Variants in PSD3 observed in about 807,000 individuals in gnomAD.
PSD3 encodes pleckstrin and Sec7 domain containing 3, also known as PH and SEC7 domain-containing protein 3.
PSD3 carries 49 observed loss-of-function variants against 105.5 expected under a neutral mutation model. The observed-to-expected ratio is 0.46, with a 90% confidence interval of 0.37 to 0.59. The LOEUF is 0.59. Among genes scored for constraint, PSD3 ranks in the 20% least tolerant of loss-of-function variants. PSD3 has a pLI of 0.00. For missense variants in PSD3, 1,561 were observed against 1,263.8 expected (o/e 1.24, Z -3.57); for synonymous variants, 557 against 457.8 (o/e 1.22, Z -2.77).
intron 14 of PSD3, among the ~76,000 whole-genome samples, chr8:18,563,506 G>A (rs1361716062): frequency 6.6e-6 from 1 of 151,946 alleles, no homozygotes; most frequent in Non-Finnish European, 1.5e-5. Context: ...AAACGAAGTG[G>A]TACAGAATTT....
At chr8:18,617,070 C>G (rs556961948) in intron 11 of PSD3, among the ~76,000 whole-genome samples, 2 of 152,222 alleles carry the variant, frequency 1.3e-5, no homozygotes, top group Admixed American at 1.3e-4. Context: ...AATTTGTACA[C>G]CTTTTCTCTC....
At chr8:18,971,648 A>C (rs972453874) in intron 1 of PSD3, among the ~76,000 whole-genome samples, 8 of 152,146 alleles carry the variant, frequency 5.3e-5, no homozygotes, top group Non-Finnish European at 8.8e-5. Flanking sequence ...GGCACATAAA[A>C]AGATAATTCT....
chr8:19,014,951 G>A (rs937670121), upstream of PSD3, among the ~76,000 whole-genome samples: 35 of 152,194 alleles, frequency 2.3e-4, no homozygotes, highest in Admixed American at 2.1e-3. This position sits in a 1 kb window ranked among gnomAD's most constrained non-coding sequence, Gnocchi z 4.9. Context: ...AAAAACGTCC[G>A]CAGCTCATGC....
At chr8:18,912,675 G>A (rs1820309321) in intron 2 of PSD3, among the ~76,000 whole-genome samples, 1 of 152,122 alleles carries the variant, frequency 6.6e-6, no homozygotes, top group South Asian at 2.1e-4. Context: ...CCTGACCAGG[G>A]CTGCTTCAGT....
At chr8:18,702,554 T>A (rs1006125520) in intron 9 of PSD3, among the ~76,000 whole-genome samples, 10 of 152,170 alleles carry the variant, frequency 6.6e-5, no homozygotes, top group African/African-American at 2.4e-4. Context: ...TAAACATTTA[T>A]CTTTGGTTTG....
At chr8:18,540,931 T>C (rs1026890691) in intron 15 of PSD3, among the ~76,000 whole-genome samples, 2 of 152,050 alleles carry the variant, frequency 1.3e-5, no homozygotes, top group African/African-American at 4.8e-5. Context: ...CACACTCCTA[T>C]TCGAGGACCT....
At chr8:18,893,998 A>G (rs377564842) in intron 2 of PSD3, among the ~76,000 whole-genome samples, 3 of 152,188 alleles carry the variant, frequency 2.0e-5, no homozygotes, top group African/African-American at 7.2e-5. Context: ...CTATCATCCA[A>G]TCAACACACC....
At chr8:18,643,184 G>T (rs75200128) in intron 10 of PSD3, among the ~76,000 whole-genome samples, 2,325 of 152,212 alleles carry the variant, frequency 0.015, 63 homozygotes, top group African/African-American at 0.054. Flanking sequence ...CATTGTGGAA[G>T]GTGCAAGGGC....
At chr8:18,678,017 A>AAAAC (rs1800168869) in intron 9 of PSD3, among the ~76,000 whole-genome samples, 2 of 151,722 alleles carry the variant, frequency 1.3e-5, no homozygotes, top group African/African-American at 4.8e-5. Flanking sequence ...CTCAAAAAAA[A>AAAAC]AAAAACAAAG....
At chr8:18,802,906 G>C (rs958655209) in intron 6 of PSD3, among the ~76,000 whole-genome samples, 1 of 152,198 alleles carries the variant, frequency 6.6e-6, no homozygotes, top group African/African-American at 2.4e-5. Flanking sequence ...GGATATTGTT[G>C]CAAACAGTTT....
At chr8:18,942,925 T>C (rs766546208) in intron 1 of PSD3, among the ~76,000 whole-genome samples, 1 of 152,144 alleles carries the variant, frequency 6.6e-6, no homozygotes, top group East Asian at 1.9e-4. Flanking sequence ...TCCCTTTTAA[T>C]AAGCAAAAGG....
At chr8:18,556,102 G>T in intron 15 of PSD3, 107 bp downstream of exon 15, 2 of 1,338,800 alleles carry the variant, frequency 1.5e-6, no homozygotes, top group Non-Finnish European at 2.0e-6. Context: ...AGAGCCAGGG[G>T]CAAGACACGC....
chr8:18,817,370 T>C (rs1431976862), intron 4 of PSD3, among the ~76,000 whole-genome samples: 2 of 152,208 alleles, frequency 1.3e-5, no homozygotes, highest in Admixed American at 1.3e-4. Context: ...CAGACTCTTA[T>C]CAATCACCTA....
chr8:18,668,673 A>G (rs10104716), intron 9 of PSD3, among the ~76,000 whole-genome samples: 5,575 of 152,268 alleles, frequency 0.037, 107 homozygotes, highest in East Asian at 0.052. Flanking sequence ...TCACCATGTA[A>G]GTATATTATT....
intron 1 of PSD3, among the ~76,000 whole-genome samples, chr8:18,966,678 A>T (rs1824272913): frequency 6.6e-6 from 1 of 151,630 alleles, no homozygotes; most frequent in Non-Finnish European, 1.5e-5. Context: ...CAAACAGGGG[A>T]CTCCTCAGAT....
At chr8:19,000,301 G>A (rs1408983261) in intron 1 of PSD3, among the ~76,000 whole-genome samples, 1 of 151,254 alleles carries the variant, frequency 6.6e-6, no homozygotes, top group African/African-American at 2.4e-5. Context: ...GGAGGCTGAG[G>A]TGGGAGGATA....
At chr8:18,652,010 G>A (rs1164486549) in intron 10 of PSD3, among the ~76,000 whole-genome samples, 3 of 152,190 alleles carry the variant, frequency 2.0e-5, no homozygotes, top group Non-Finnish European at 2.9e-5. Context: ...AATGGCAGGA[G>A]TGAAGAGGAA....
intron 11 of PSD3, among the ~76,000 whole-genome samples, chr8:18,625,380 C>T (rs1363765618): frequency 6.6e-6 from 1 of 152,130 alleles, no homozygotes; most frequent in Non-Finnish European, 1.5e-5. Context: ...AAAATGTCAA[C>T]ATGGCCCTAC....
intron 9 of PSD3, chr8:18,762,914 G>C (rs1806658950): frequency 1.6e-6 from 2 of 1,271,150 alleles, no homozygotes; most frequent in Admixed American, 4.8e-5. Flanking sequence ...ATTTCAACAT[G>C]GAATAACTGT....
Sources: gnomAD v4.1 joint callset for allele counts (sites outside exome capture counted in the v4.1 genomes callset) on GRCh38, gnomAD v4.1.1 for gene constraint, Gnocchi (gnomAD v3.1) non-coding constraint, MANE v1.5 for transcripts, NCBI Gene and HGNC (gene_info 2026-07-23, HGNC 2026-07-21) for gene names.